Variants in CCBE1 observed in about 807,000 individuals in gnomAD.
CCBE1 encodes the protein collagen and calcium binding EGF domains 1.
A neutral mutation model predicts 50.0 loss-of-function variants in CCBE1; 37 were observed. The observed-to-expected ratio is 0.74, with a 90% CI of 0.57 to 0.97. The LOEUF (loss-of-function observed/expected upper bound fraction) is 0.97. CCBE1 is among the 50% of genes least tolerant of loss of function. The pLI is 0.00. For synonymous variants in CCBE1, 234 were observed against 203.7 expected, an observed-to-expected ratio of 1.15 and a Z score of -1.27; for missense variants, 538 against 523.8, an observed-to-expected ratio of 1.03 and a Z score of -0.26.
chr18:59,502,834 C>T (rs537201835), intron 2 of CCBE1, among the ~76,000 whole-genome samples: 15 of 152,218 alleles, frequency 9.9e-5, no homozygotes, highest in Non-Finnish European at 2.2e-4. Flanking sequence ...AAACAGTCCT[C>T]ACTCACTGGC....
chr18:59,637,592 C>T (rs2053931709), intron 2 of CCBE1, among the ~76,000 whole-genome samples: 1 of 151,900 alleles, frequency 6.6e-6, no homozygotes. Flanking sequence ...TGGAATAAAC[C>T]AGGCAAACCT....
At chr18:59,447,802 C>T (rs146081308) in intron 7 of CCBE1, among the ~76,000 whole-genome samples, 181 bp downstream of exon 7, 1 of 152,352 alleles carries the variant, frequency 6.6e-6, no homozygotes, top group African/African-American at 2.4e-5. Context: ...GAGGGTTTCT[C>T]AGGCTTGAGG....
intron 2 of CCBE1, chr18:59,688,544 A>T (rs1013183635): frequency 1.2e-4 from 19 of 152,252 alleles, no homozygotes; most frequent in Non-Finnish European, 4.4e-5. Flanking sequence ...CAAATCAATG[A>T]GGTAAGGTAG....
intron 2 of CCBE1, among the ~76,000 whole-genome samples, chr18:59,561,377 C>G (rs1230466052): frequency 6.6e-6 from 1 of 152,180 alleles, no homozygotes; most frequent in Non-Finnish European, 1.5e-5. Flanking sequence ...GTGTCCAAAC[C>G]CTATGTCTCC....
intron 2 of CCBE1, among the ~76,000 whole-genome samples, chr18:59,532,938 A>G (rs539017103): frequency 6.6e-6 from 1 of 152,370 alleles, no homozygotes; most frequent in Admixed American, 6.5e-5. Context: ...CCTGCCTGGC[A>G]GTTCACCAAT....
chr18:59,637,517 A>T lies in CCBE1; in HGVS notation c.212+59112T>A, dbSNP rs537570809. 1.2e-4 allele frequency among the ~76,000 whole-genome samples: 18 copies of T among 152,306 alleles called. 1 individual carries two copies. Among genetic ancestry groups the T allele is most frequent in the South Asian group, 1.0e-3 (5 of 4,824 alleles). ...AACAAAATTAGCCTACAGATAAAGA[A>T]GTAGCATAAAGAAAGCTAAGGTGTA... On this transcript the variant is annotated intron_variant, in intron 2 of 10. Coordinates refer to ENST00000439986, the MANE Select transcript of CCBE1 (RefSeq NM_133459.4).
At chr18:59,610,382 C>T (rs2053552300) in intron 2 of CCBE1, among the ~76,000 whole-genome samples, 1 of 152,124 alleles carries the variant, frequency 6.6e-6, no homozygotes, top group South Asian at 2.1e-4. Flanking sequence ...CATTTAACAT[C>T]ATTCTAGGCT....
chr18:59,524,666 G>A (rs138325492), intron 2 of CCBE1, among the ~76,000 whole-genome samples: 36 of 152,220 alleles, frequency 2.4e-4, no homozygotes, highest in African/African-American at 8.2e-4. Context: ...AGGTAAATGT[G>A]TGCCATGGTG....
At chr18:59,688,548 A>T (rs1485766712) in intron 2 of CCBE1, 1 of 152,262 alleles carries the variant, frequency 6.6e-6, no homozygotes, top group Non-Finnish European at 1.5e-5. Flanking sequence ...TCAATGAGGT[A>T]AGGTAGCAAA....
At chr18:59,601,017 T>G (rs866847709) in intron 2 of CCBE1, among the ~76,000 whole-genome samples, 749 of 49,260 alleles carry the variant, frequency 0.015, 4 homozygotes, top group African/African-American at 0.088. Flanking sequence ...TCAGTTTTTT[T>G]TTTTTTTTTT....
chr18:59,563,304 AT>A (rs1342202398), intron 2 of CCBE1, among the ~76,000 whole-genome samples: 2 of 149,646 alleles, frequency 1.3e-5, no homozygotes, highest in African/African-American at 2.5e-5. Context: ...AATAAGCACA[AT>A]TAGTTTTTCT....
chr18:59,673,899 TTTTC>T (rs2054465966), intron 2 of CCBE1, among the ~76,000 whole-genome samples: 1 of 152,196 alleles, frequency 6.6e-6, no homozygotes, highest in Non-Finnish European at 1.5e-5. Context: ...TGGCCTTAAA[TTTTC>T]TTTTTTTGTT....
At chr18:59,601,503 G>A (rs972280307) in intron 2 of CCBE1, among the ~76,000 whole-genome samples, 1 of 152,110 alleles carries the variant, frequency 6.6e-6, no homozygotes, top group Admixed American at 6.6e-5. Flanking sequence ...GTGTGGAACT[G>A]TGAGTCCATT....
At chr18:59,593,278 G>T (rs1357922959) in intron 2 of CCBE1, among the ~76,000 whole-genome samples, 1 of 152,168 alleles carries the variant, frequency 6.6e-6, no homozygotes, top group Non-Finnish European at 1.5e-5. Context: ...CCATCTGCAG[G>T]CATCCTTAAA....
At chr18:59,643,927 C>T (rs114128144) in intron 2 of CCBE1, among the ~76,000 whole-genome samples, 2,232 of 152,314 alleles carry the variant, frequency 0.015, 29 homozygotes, top group Middle Eastern at 0.054. Flanking sequence ...CTCAGGGATA[C>T]AAGCAGCCTT....
intron 2 of CCBE1, among the ~76,000 whole-genome samples, chr18:59,644,927 A>G (rs2054035879): frequency 1.3e-5 from 2 of 152,238 alleles, no homozygotes; most frequent in Non-Finnish European, 2.9e-5. Context: ...AATTCTCTTT[A>G]GACATAAACA....
In CCBE1 at chr18:59,515,266, T is replaced by G. The variant is rs555325304; in HGVS notation, c.213-35028A>C. ...ATTGTAGCTACACAAATAACAGTCA[T>G]GTTTTATTTGAAGAGCAATTGTTCA... is the stretch of plus-strand genomic sequence containing the variant. On this transcript the variant is annotated intron_variant, in intron 2 of 10. Coordinates refer to ENST00000439986, the MANE Select transcript of CCBE1 (RefSeq NM_133459.4). Among the ~76,000 whole-genome samples the G allele has an allele frequency of 4.6e-5, 7 of 152,354 alleles. No individual in the cohort carries two copies. The South Asian group carries it at 1.0e-3, about 23-fold the overall frequency.
At chr18:59,594,054 T>C (rs2053314822) in intron 2 of CCBE1, among the ~76,000 whole-genome samples, 1 of 152,230 alleles carries the variant, frequency 6.6e-6, no homozygotes, top group Admixed American at 6.5e-5. Flanking sequence ...AAGGTACAAG[T>C]GTTTGCTTCA....
intron 2 of CCBE1, among the ~76,000 whole-genome samples, chr18:59,604,746 C>T (rs2053475009): frequency 6.6e-6 from 1 of 152,208 alleles, no homozygotes; most frequent in East Asian, 1.9e-4. Context: ...ATACATTAGA[C>T]CAGGATGTCT....
Sources: allele counts gnomAD v4.1 joint callset (sites outside exome capture counted in the v4.1 genomes callset), GRCh38; gene constraint gnomAD v4.1.1; transcripts MANE v1.5; gene names NCBI Gene and HGNC (gene_info 2026-07-23, HGNC 2026-07-21).